Variants in PDE11A observed in about 807,000 individuals in gnomAD.
The protein encoded by PDE11A is phosphodiesterase 11A.
A neutral mutation model predicts 100.5 loss-of-function variants in PDE11A; 100 were observed. That is an observed-to-expected ratio of 1.00 (90% CI 0.85 to 1.18). The LOEUF is 1.18. Ranked by LOEUF, PDE11A falls within the 50% of genes most tolerant of loss-of-function variation. The pLI is 0.00. For synonymous variants in PDE11A, 381 were observed against 420.8 expected (o/e 0.91, Z 1.16); for missense variants, 1,141 against 1,152.6 (o/e 0.99, Z 0.15).
intron 10 of PDE11A, among the ~76,000 whole-genome samples, chr2:177,762,047 T>C (rs2082177747): frequency 6.6e-6 from 1 of 151,960 alleles, no homozygotes. Flanking sequence ...CAGTGTACAA[T>C]AATGGCCTGC....
chr2:177,906,136 C>A (rs1179556004), intron 2 of PDE11A, among the ~76,000 whole-genome samples: 2 of 151,894 alleles, frequency 1.3e-5, no homozygotes, highest in Non-Finnish European at 2.9e-5. Context: ...ATGTTTATAT[C>A]ATAGACTCTA....
At chr2:177,959,959 C>T in intron 2 of PDE11A, among the ~76,000 whole-genome samples, 1 of 152,054 alleles carries the variant, frequency 6.6e-6, no homozygotes, top group South Asian at 2.1e-4. Flanking sequence ...AAAATTCATA[C>T]TCTTTTTTTC....
At chr2:177,676,116 C>T (rs1574033217) in intron 16 of PDE11A, 1 of 172,820 alleles carries the variant, frequency 5.8e-6, no homozygotes, top group Admixed American at 5.4e-5. Flanking sequence ...ATACTCAGCT[C>T]CAGCTCTCAT....
intron 2 of PDE11A, among the ~76,000 whole-genome samples, chr2:177,907,373 A>C (rs2084806141): frequency 6.6e-6 from 1 of 152,172 alleles, no homozygotes; most frequent in African/African-American, 2.4e-5. Flanking sequence ...ACATGCTTGC[A>C]CCTTATTCAA....
intron 14 of PDE11A, among the ~76,000 whole-genome samples, chr2:177,700,385 T>C (rs1343505954): frequency 7.5e-6 from 1 of 132,938 alleles, no homozygotes; most frequent in African/African-American, 2.8e-5. Context: ...GGGGAACAGA[T>C]GATCCCTTCC....
At chr2:177,754,656 T>C (rs541700764) in intron 10 of PDE11A, among the ~76,000 whole-genome samples, 4 of 152,332 alleles carry the variant, frequency 2.6e-5, no homozygotes, top group South Asian at 4.1e-4. Context: ...AGGGGCAGCA[T>C]TGGCTGCATT....
intron 2 of PDE11A, among the ~76,000 whole-genome samples, chr2:177,945,684 G>A (rs1179887182): frequency 5.3e-5 from 8 of 151,998 alleles, no homozygotes; most frequent in African/African-American, 1.7e-4. Context: ...TCTGGGAGGT[G>A]AGGAGCGTCT....
chr2:177,757,397 G>A (rs1017952236), intron 10 of PDE11A, among the ~76,000 whole-genome samples: 19 of 152,306 alleles, frequency 1.2e-4, no homozygotes, highest in East Asian at 9.6e-4. Flanking sequence ...TCAGAGGCTT[G>A]CTGTTAACAT....
chr2:177,902,998 G>A (rs1558999031), intron 3 of PDE11A, among the ~76,000 whole-genome samples: 1 of 152,188 alleles, frequency 6.6e-6, no homozygotes, highest in Non-Finnish European at 1.5e-5. Context: ...GTCAGACTCA[G>A]CTCAAAATCA....
At chr2:177,922,051 T>C (rs2085057790) in intron 2 of PDE11A, 1 of 152,214 alleles carries the variant, frequency 6.6e-6, no homozygotes, top group African/African-American at 2.4e-5. Flanking sequence ...CACGTTCCTT[T>C]GCAGAATGAC....
At chr2:177,808,392 A>T (rs1421704037) in intron 9 of PDE11A, among the ~76,000 whole-genome samples, 1 of 152,174 alleles carries the variant, frequency 6.6e-6, no homozygotes, top group African/African-American at 2.4e-5. Context: ...AGATAAAAGG[A>T]TGTTTAAGTG....
intron 14 of PDE11A, 34 bp downstream of exon 14, chr2:177,701,087 T>C (rs10201180): frequency 0.77 from 914,731 of 1,181,892 alleles, 355,568 homozygotes; most frequent in East Asian, 0.87. Flanking sequence ...TTTTGGTTTC[T>C]GTTAAGGGGA....
intron 19 of PDE11A, among the ~76,000 whole-genome samples, chr2:177,655,419 A>C (rs1574102001): frequency 1.3e-5 from 2 of 152,200 alleles, no homozygotes; most frequent in Non-Finnish European, 2.9e-5. Flanking sequence ...AGATGCCTTC[A>C]CCTGCCAATT....
intron 13 of PDE11A, among the ~76,000 whole-genome samples, chr2:177,703,304 G>A (rs1003738137): frequency 6.6e-6 from 1 of 152,090 alleles, no homozygotes; most frequent in African/African-American, 2.4e-5. Flanking sequence ...CATGATATAA[G>A]TATTATTTTC....
intron 10 of PDE11A, among the ~76,000 whole-genome samples, chr2:177,748,104 G>A (rs1189180611): frequency 1.3e-5 from 2 of 152,076 alleles, no homozygotes; most frequent in Non-Finnish European, 2.9e-5. Context: ...TCTGGAATAC[G>A]AGGCATTTCA....
chr2:177,908,918 T>C (rs2084832530), intron 2 of PDE11A, among the ~76,000 whole-genome samples: 2 of 152,248 alleles, frequency 1.3e-5, no homozygotes, highest in African/African-American at 4.8e-5. Context: ...CTATTCTTCA[T>C]GAATAGTACA....
chr2:177,820,780 T>C (rs897503980), intron 6 of PDE11A, among the ~76,000 whole-genome samples: 2 of 152,000 alleles, frequency 1.3e-5, no homozygotes, highest in South Asian at 2.1e-4. Flanking sequence ...TATATTATTA[T>C]GTATGTTGTC....
chr2:178,104,153 G>T lies in PDE11A; in HGVS notation c.162+149C>A, dbSNP rs137936276. ...AGGATGATCAGTTATCCAAATGCAG[G>T]TCTTATGATATAAATCCATATTTCA... On this transcript the variant is annotated intron_variant, in intron 2 of 20. Transcript: ENST00000358450. The T allele has an allele frequency of 1.1e-3, 796 of 742,038 alleles. 9 individuals carry two copies. The African/African-American group carries it at 0.013, about 12-fold the overall frequency. The allele number at this position is 742,038 out of a possible 1,614,324, so 46.0% of individuals were successfully genotyped here.
chr2:177,950,300 C>G (rs1038916008), intron 2 of PDE11A, among the ~76,000 whole-genome samples: 1 of 152,060 alleles, frequency 6.6e-6, no homozygotes, highest in Non-Finnish European at 1.5e-5. Context: ...TGCCTTCACT[C>G]TTTCTTACCT....
Sources: allele counts gnomAD v4.1 joint callset (sites outside exome capture counted in the v4.1 genomes callset), GRCh38; gene constraint gnomAD v4.1.1; transcripts MANE v1.5; gene names NCBI Gene and HGNC (gene_info 2026-07-23, HGNC 2026-07-21).